FN1: variants seen among roughly 807,000 people sequenced by gnomAD.
FN1 encodes the protein fibronectin.
In FN1, 106 loss-of-function variants were observed where a neutral mutation model predicts 297.3. That is an observed-to-expected ratio of 0.36 (90% CI 0.30 to 0.42). The LOEUF (loss-of-function observed/expected upper bound fraction) is 0.42, where lower values mean the gene tolerates loss of function less well. FN1 is among the 10% of genes least tolerant of loss of function. The probability of loss-of-function intolerance (pLI) is 1.00; values close to 1 mark genes in which losing one functional copy is unlikely to be tolerated. For missense variants in FN1, 2,690 were observed against 3,124.9 expected (o/e 0.86, Z 3.32); for synonymous variants, 1,149 against 1,152.6 (o/e 1.00, Z 0.06).
In FN1 at chr2:215,406,224, A is replaced by G; in HGVS notation, c.2986+14T>C. The G allele has an allele frequency of 1.2e-6, 2 of 1,613,438 alleles. No homozygotes were observed. Among genetic ancestry groups the G allele is most frequent in the Non-Finnish European group, 1.7e-6 (2 of 1,179,350 alleles). Reference sequence around the variant, plus strand: ...GAGAATTTGGAGGGGAGATAGAGATAGGAGAAGACATACTGGTTGTCTGTT... The same window carrying G: ...GAGAATTTGGAGGGGAGATAGAGATGGGAGAAGACATACTGGTTGTCTGTT... On this transcript the variant is annotated intron_variant, in intron 19 of 45. Coordinates refer to ENST00000354785, the MANE Select transcript of FN1 (RefSeq NM_212482.4).
intron 22 of FN1, 61 bp downstream of exon 22, chr2:215,397,619 C>CT (rs1487711512): frequency 6.9e-7 from 1 of 1,458,488 alleles, no homozygotes; most frequent in Non-Finnish European, 9.6e-7. Flanking sequence ...TTGACACTAG[C>CT]TTTTTTCGAA....
chr2:215,383,887 G>A (rs34147750), intron 30 of FN1, 133 bp downstream of exon 30: 2 of 963,354 alleles, frequency 2.1e-6, no homozygotes, highest in Non-Finnish European at 3.2e-6. Context: ...GTTCGCTGCA[G>A]GTGCTAGCTG....
At chr2:215,375,008 A>G (rs1025508229) in intron 38 of FN1, among the ~76,000 whole-genome samples, 1 of 152,222 alleles carries the variant, frequency 6.6e-6, no homozygotes, top group Non-Finnish European at 1.5e-5. Flanking sequence ...CCATTAGTAC[A>G]GTCTTGAAAT....
chr2:215,400,611 G>A (rs2060878590), intron 20 of FN1, among the ~76,000 whole-genome samples: 1 of 151,710 alleles, frequency 6.6e-6, no homozygotes, highest in Non-Finnish European at 1.5e-5. Context: ...AATTAGCCAG[G>A]TGTGATGGTG....
Position 215,434,810 on chromosome 2 carries a change from T to C in FN1, c.163A>G (p.Asn55Asp), listed in dbSNP as rs773051734. The change falls in exon 2 of 46, where the codon AAT becomes GAT. Residue 55 changes from asparagine to aspartate, a missense_variant. Around this residue, in one of 3 missense-constraint regions of FN1, gnomAD observed 876 missense variants for 1,058.1 expected, o/e 0.83. Transcript: ENST00000354785. ...TGATTTATCTGATAGTGTTTTCCATTGTCATAACAACCGGCTGCAAATAAT... is the reference window on the plus strand; with the variant it reads ...TGATTTATCTGATAGTGTTTTCCATCGTCATAACAACCGGCTGCAAATAAT... Reference protein sequence around the residue: ...VSQSKPGCYDNGKHYQINQQW... With the variant: ...VSQSKPGCYDDGKHYQINQQW... The C allele has an allele frequency of 1.9e-6, 3 of 1,612,658 alleles. No homozygotes were observed. Among genetic ancestry groups the C allele is most frequent in the Non-Finnish European group, 2.5e-6 (3 of 1,179,678 alleles).
intron 5 of FN1, 127 bp downstream of exon 5, chr2:215,430,588 C>A: frequency 9.2e-7 from 1 of 1,088,642 alleles, no homozygotes. Flanking sequence ...GTTTTCTTGA[C>A]TTCCAGAAGT....
At chr2:215,379,079 T>G in intron 34 of FN1, 51 bp downstream of exon 34, 1 of 1,446,004 alleles carries the variant, frequency 6.9e-7, no homozygotes, top group Non-Finnish European at 9.7e-7. Context: ...TTAGAAACTG[T>G]GTTAGAGATG....
rs1396200369 is a variant in FN1, at chr2:215,372,278, G to A, written c.6345C>T (p.Thr2115=). 1 of 1,614,178 alleles carries A rather than the reference G, an allele frequency of 6.2e-7. No homozygotes were observed. The highest frequency in any genetic ancestry group is 2.2e-5 in the East Asian group (1 of 44,882). The change falls in exon 40 of 46, where the codon ACC becomes ACT. Residue 2115 remains threonine (T), a synonymous_variant. Transcript: ENST00000354785. The stretch of plus-strand genomic sequence containing the variant: ...CATTTCCAGTGTCATACCCAGGGTG[G>A]GTGACGAAAGGGGTCTTTTGAACTG... ...PSTVQKTPFV[T]HPGYDTGNGI...
chr2:215,432,425 T>C (rs947214546), intron 3 of FN1, among the ~76,000 whole-genome samples: 1 of 152,132 alleles, frequency 6.6e-6, no homozygotes, highest in Admixed American at 6.5e-5. Flanking sequence ...GACATATGCA[T>C]ATAAAGTGTG....
chr2:215,432,621 T>C (rs2066727092), intron 3 of FN1, among the ~76,000 whole-genome samples: 1 of 152,238 alleles, frequency 6.6e-6, no homozygotes, highest in Non-Finnish European at 1.5e-5. Flanking sequence ...ATAGAAGTCT[T>C]TAAGACGACT....
intron 11 of FN1, 34 bp downstream of exon 11, chr2:215,420,639 G>C (rs1575749317): frequency 6.2e-7 from 1 of 1,613,330 alleles, no homozygotes. Flanking sequence ...CATTCCCCCT[G>C]TGCAAACTCA....
At chr2:215,376,711 G>A in intron 35 of FN1, 37 bp from the exon 36 acceptor site, 1 of 1,596,774 alleles carries the variant, frequency 6.3e-7, no homozygotes, top group Non-Finnish European at 8.6e-7. Flanking sequence ...GTGCCTGCTT[G>A]GCTCATCCAT....
chr2:215,427,811 A>G (rs1165608374), intron 6 of FN1, among the ~76,000 whole-genome samples: 2 of 152,186 alleles, frequency 1.3e-5, no homozygotes, highest in African/African-American at 4.8e-5. Flanking sequence ...ATAATTAATT[A>G]TAACTCTCAT....
At chr2:215,362,456 T>A (rs1205583389) in intron 44 of FN1, 2 of 276,954 alleles carry the variant, frequency 7.2e-6, no homozygotes, top group Non-Finnish European at 1.4e-5. Flanking sequence ...TGAGATCACA[T>A]GAAGAAACGT....
At position 215,361,321 on chromosome 2, in the gene FN1, A is replaced by T. The variant is rs1009239089; in HGVS notation, c.*234T>A. The T allele has an allele frequency of 3.3e-5, 18 of 546,176 alleles. No homozygotes were observed. Among genetic ancestry groups the T allele is most frequent in the Non-Finnish European group, 4.9e-5 (15 of 303,638 alleles). The allele number at this position is 546,176 out of a possible 1,614,324, so 33.8% of individuals were successfully genotyped here. Reference sequence around the variant, plus strand: ...TCATTTAAAATACTGAGCGGTATTGAATACTTCGAAGCAGAACAGGCAATG... The same window carrying T: ...TCATTTAAAATACTGAGCGGTATTGTATACTTCGAAGCAGAACAGGCAATG... On this transcript the variant is annotated 3_prime_UTR_variant, in exon 46 of 46. Transcript: ENST00000354785.
At position 215,364,676 on chromosome 2, in the gene FN1, G is replaced by C. The variant is rs770241372; in HGVS notation, c.7251+203C>G. 101 of 609,232 alleles carry C rather than the reference G, an allele frequency of 1.7e-4. 1 individual carries two copies. Among genetic ancestry groups the C allele is most frequent in the Admixed American group, 2.6e-5 (1 of 37,874 alleles). 37.7% of individuals were successfully genotyped at this position (609,232 alleles called of 1,614,324 possible). ...GCCATTCATTCATTCTTTCTACTAAGAGTAATAGAAAGAATGAATGGCATG... is the reference window on the plus strand; with the variant it reads ...GCCATTCATTCATTCTTTCTACTAACAGTAATAGAAAGAATGAATGGCATG... On this transcript the variant is annotated intron_variant, in intron 44 of 45. Coordinates refer to ENST00000354785, the MANE Select transcript of FN1 (RefSeq NM_212482.4).
chr2:215,430,772 T>A lies in FN1; in HGVS notation c.628A>T (p.Met210Leu). 6.2e-7 allele frequency: 1 copy of A among 1,614,100 alleles called. No homozygotes were observed. ...TCTCCCAGGCAAGTACAATCTACCA[T>A]CATCCAGCCTTGGTAGGGCTTCTCC... ...TWEKPYQGWM[M>L]VDCTCLGEGS... The change falls in exon 5 of 46, where the codon ATG becomes TTG. Residue 210 changes from methionine (M) to leucine (L), a missense_variant. This residue lies in a region of FN1 where 876 missense variants were observed against 1,058.1 expected (regional missense o/e 0.83). Coordinates refer to ENST00000354785, the MANE Select transcript of FN1 (RefSeq NM_212482.4).
chr2:215,424,094 G>A (rs1575789653), intron 8 of FN1, 52 bp downstream of exon 8: 11 of 1,544,034 alleles, frequency 7.1e-6, no homozygotes, highest in African/African-American at 1.4e-5. Flanking sequence ...ATAAAACTAG[G>A]GCATGAAAGT....
At chr2:215,380,744 T>C in intron 33 of FN1, 67 bp downstream of exon 33, 4 of 1,555,010 alleles carry the variant, frequency 2.6e-6, no homozygotes, top group South Asian at 1.1e-5. Context: ...CAGTGAAGCA[T>C]AATTCATTCA....
Sources: gnomAD v4.1 joint callset for allele counts (sites outside exome capture counted in the v4.1 genomes callset) on GRCh38, gnomAD v4.1.1 for gene constraint, gnomAD v4.1.1 regional missense constraint, MANE v1.5 for transcripts, NCBI Gene and HGNC (gene_info 2026-07-23, HGNC 2026-07-21) for gene names.